The following PRDM2 variants were observed in gnomAD, a reference collection of about 807,000 sequenced individuals.
PRDM2 encodes the protein PR domain zinc finger protein 2.
Under a neutral mutation model 130.0 loss-of-function variants are expected in PRDM2, and 30 were observed. The ratio of observed to expected loss-of-function variants is 0.23; its 90% CI spans 0.17 to 0.31. The LOEUF is 0.31. Among genes scored for constraint, PRDM2 ranks in the 10% least tolerant of loss-of-function variants. PRDM2 has a pLI of 1.00. For synonymous variants in PRDM2, 871 were observed against 782.4 expected, an observed-to-expected ratio of 1.11 and a Z score of -1.89; for missense variants, 2,011 against 2,108.4, an observed-to-expected ratio of 0.95 and a Z score of 0.90.
intron 2 of PRDM2, among the ~76,000 whole-genome samples, chr1:13,730,169 A>G (rs948753481): frequency 2.0e-5 from 3 of 152,148 alleles, no homozygotes; most frequent in Admixed American, 2.0e-4. Context: ...GCTCCGTAGG[A>G]TATATGGTGT....
intron 6 of PRDM2, among the ~76,000 whole-genome samples, chr1:13,760,774 G>T (rs1360623854): frequency 6.6e-6 from 1 of 151,924 alleles, no homozygotes; most frequent in African/African-American, 2.4e-5. Flanking sequence ...ACCAACCTTT[G>T]GTTCATCCCA....
rs373923939 is a variant in PRDM2 at position 13,714,022 on chromosome 1, C to A, written c.-65-1519C>A. On this transcript the variant is annotated intron_variant, in intron 1 of 9. Coordinates refer to ENST00000311066, the MANE Select transcript of PRDM2 (RefSeq NM_001393986.1). ...TAGCTGGGACTACAGGCGCCTGCCA[C>A]CACACCCAGCTAATTTTTTGTATTT... is the stretch of plus-strand genomic sequence containing the variant. 7.9e-3 allele frequency among the ~76,000 whole-genome samples: 1,202 copies of A among 152,256 alleles called. 12 individuals carry two copies. Among genetic ancestry groups the A allele is most frequent in the African/African-American group, 0.028 (1,158 of 41,538 alleles).
chr1:13,756,205 G>C (rs1643948002), intron 6 of PRDM2, among the ~76,000 whole-genome samples: 1 of 150,970 alleles, frequency 6.6e-6, no homozygotes, highest in Non-Finnish European at 1.5e-5. Context: ...AGAGCTTGTA[G>C]TGAGCCGAGA....
intron 1 of PRDM2, among the ~76,000 whole-genome samples, chr1:13,701,223 T>G (rs1395124276): frequency 2.0e-5 from 3 of 151,066 alleles, no homozygotes; most frequent in Non-Finnish European, 4.4e-5. Flanking sequence ...ATTTGAGACG[T>G]GGAACGTCTT....
chr1:13,757,444 T>C (rs1463137269), intron 6 of PRDM2, among the ~76,000 whole-genome samples: 1 of 152,218 alleles, frequency 6.6e-6, no homozygotes, highest in Non-Finnish European at 1.5e-5. Flanking sequence ...AGTTTAGGAT[T>C]ATAGAGCTCT....
intron 8 of PRDM2, chr1:13,786,611 C>G: frequency 6.3e-7 from 1 of 1,585,388 alleles, no homozygotes; most frequent in Non-Finnish European, 8.5e-7. Flanking sequence ...GCAAAGGATA[C>G]GAAATCTACC....
chr1:13,774,592 A>C (rs933586040), intron 7 of PRDM2, among the ~76,000 whole-genome samples: 1 of 152,170 alleles, frequency 6.6e-6, no homozygotes, highest in Non-Finnish European at 1.5e-5. Context: ...TTGGCGGTAG[A>C]ATTAGAAAAC....
chr1:13,705,608 C>T (rs956614672), intron 1 of PRDM2: 2 of 152,118 alleles, frequency 1.3e-5, no homozygotes, highest in Non-Finnish European at 1.5e-5. Flanking sequence ...GTTGATGGCC[C>T]GTTTGTGCTT....
At chr1:13,775,376 C>T (rs1644453070) in intron 7 of PRDM2, among the ~76,000 whole-genome samples, 1 of 152,208 alleles carries the variant, frequency 6.6e-6, no homozygotes, top group African/African-American at 2.4e-5. Flanking sequence ...TTTCTGTTGT[C>T]TCATTTCAAC....
intron 7 of PRDM2, among the ~76,000 whole-genome samples, chr1:13,778,127 A>G (rs1644519066): frequency 6.6e-6 from 1 of 152,136 alleles, no homozygotes; most frequent in Non-Finnish European, 1.5e-5. Flanking sequence ...ACTAAACACA[A>G]ATCCCCAGCT....
At chr1:13,782,960 G>C (rs1434500823) in intron 8 of PRDM2, 129 bp downstream of exon 8, 5 of 1,544,958 alleles carry the variant, frequency 3.2e-6, no homozygotes, top group Non-Finnish European at 4.3e-6. Flanking sequence ...TGTTGTATAA[G>C]TTAAAGGCAT....
intron 8 of PRDM2, among the ~76,000 whole-genome samples, chr1:13,794,645 G>T (rs891436435): frequency 6.6e-6 from 1 of 152,190 alleles, no homozygotes; most frequent in Non-Finnish European, 1.5e-5. Flanking sequence ...CTTTAGAGCA[G>T]CCTGGAAGGA....
chr1:13,747,769 C>CAAAAAAAAAAAA (rs78988090), intron 5 of PRDM2, among the ~76,000 whole-genome samples: 1 of 48,398 alleles, frequency 2.1e-5, no homozygotes, highest in African/African-American at 6.8e-5. Flanking sequence ...TCCCTCCCCG[C>CAAAAAAAAAAAA]AAAAAAAAAA....
chr1:13,801,107 G>A (rs1644999808), intron 8 of PRDM2, among the ~76,000 whole-genome samples: 1 of 152,212 alleles, frequency 6.6e-6, no homozygotes, highest in Non-Finnish European at 1.5e-5. Flanking sequence ...CTGGAGAGGA[G>A]GCCGTGGTGG....
chr1:13,715,891 A>G (rs1292173539), intron 2 of PRDM2, among the ~76,000 whole-genome samples: 1 of 152,192 alleles, frequency 6.6e-6, no homozygotes, highest in African/African-American at 2.4e-5. Context: ...CTCCCTTGCC[A>G]CACTCTAGTG....
chr1:13,748,621 T>C (rs1233974879), intron 5 of PRDM2, among the ~76,000 whole-genome samples: 1 of 152,244 alleles, frequency 6.6e-6, no homozygotes. Flanking sequence ...GTGGATCTTT[T>C]CTTCGGGATC....
chr1:13,722,764 T>G (rs1263614472), intron 2 of PRDM2: 4 of 487,144 alleles, frequency 8.2e-6, no homozygotes, highest in Admixed American at 2.2e-5. Flanking sequence ...ACTTATTTTC[T>G]TTGCTTCTCT....
In PRDM2 at chr1:13,777,678, C is replaced by G. The variant is rs1048912550; in HGVS notation, c.623-740C>G. On this transcript the variant is annotated intron_variant, in intron 7 of 9. Coordinates refer to ENST00000311066, the MANE Select transcript of PRDM2 (RefSeq NM_001393986.1). ...TGCATGCCTCATTTTCCTTAGGTCT[C>G]TCCTCCACTGTCACCTTCTAAGCAA... Among the ~76,000 whole-genome samples, 4 of 104,468 alleles carry G rather than the reference C, an allele frequency of 3.8e-5. No homozygotes were observed. The East Asian group carries it at 1.4e-3, about 36-fold the overall frequency. The allele number at this position is 104,468 out of a possible 152,430, so 68.5% of individuals were successfully genotyped here. A position where few individuals can be genotyped will look rare whatever the true frequency, so the allele number is the denominator to read the frequency against.
At chr1:13,769,124 C>T (rs1644299802) in intron 6 of PRDM2, 32 of 985,046 alleles carry the variant, frequency 3.2e-5, no homozygotes, top group South Asian at 9.4e-5. Context: ...CTAGACCAAG[C>T]GGAGCAGCCA....
Sources: gnomAD v4.1 joint callset for allele counts (sites outside exome capture counted in the v4.1 genomes callset) on GRCh38, gnomAD v4.1.1 for gene constraint, MANE v1.5 for transcripts, NCBI Gene and HGNC (gene_info 2026-07-23, HGNC 2026-07-21) for gene names.